Variants in TUBA1C observed in about 807,000 individuals in gnomAD.
TUBA1C encodes the protein tubulin alpha-1C chain.
Under a neutral mutation model 34.9 loss-of-function variants are expected in TUBA1C, and 16 were observed. The ratio of observed to expected loss-of-function variants is 0.46; its 90% CI spans 0.31 to 0.70. TUBA1C has a LOEUF of 0.70. TUBA1C is among the 30% of genes least tolerant of loss of function. The probability of loss-of-function intolerance (pLI) is 0.05; values close to 1 mark genes in which losing one functional copy is unlikely to be tolerated. For missense variants in TUBA1C, 329 were observed against 587.3 expected, an observed-to-expected ratio of 0.56 and a Z score of 4.55; for synonymous variants, 177 against 215.9, an observed-to-expected ratio of 0.82 and a Z score of 1.58.
chr12:49,263,086 C>A (rs1041274397), upstream of TUBA1C, among the ~76,000 whole-genome samples: 16 of 146,108 alleles, frequency 1.1e-4, no homozygotes, highest in African/African-American at 1.5e-4. Context: ...TACAGTGGCA[C>A]GATCTCTGCT....
intron 1 of TUBA1C, among the ~76,000 whole-genome samples, chr12:49,244,406 T>C (rs971838888): frequency 6.6e-6 from 1 of 152,160 alleles, no homozygotes; most frequent in African/African-American, 2.4e-5. Flanking sequence ...AAGCTTGTGA[T>C]TAAGAAGAAT....
At chr12:49,242,653 G>T (rs540585562) in intron 1 of TUBA1C, among the ~76,000 whole-genome samples, 61 of 150,850 alleles carry the variant, frequency 4.0e-4, no homozygotes, top group South Asian at 1.0e-3. Flanking sequence ...TAATTTTTTT[G>T]TTGTTGTTGT....
rs1942887300 is a variant in TUBA1C, at chr12:49,265,116, A to G, written c.-66A>G. The G allele has an allele frequency of 3.2e-6, 5 of 1,579,756 alleles. No homozygotes were observed. The South Asian group carries it at 4.6e-5, about 15-fold the overall frequency. On this transcript the variant is annotated 5_prime_UTR_variant, in exon 1 of 4. Coordinates refer to ENST00000301072, the MANE Select transcript of TUBA1C (RefSeq NM_032704.5). ...CCCCCGGACTCCTTGGTAGTCTGTTAGTGGGAGATCCTTGTTGCCGTCCCT... is the reference window on the plus strand; with the variant it reads ...CCCCCGGACTCCTTGGTAGTCTGTTGGTGGGAGATCCTTGTTGCCGTCCCT...
upstream of TUBA1C, chr12:49,264,544 CCGGCGT>C (rs1434654450): frequency 6.6e-6 from 1 of 152,198 alleles, no homozygotes; most frequent in East Asian, 2.0e-4. Flanking sequence ...CAGCCTGGTC[CCGGCGT>C]CGGCGCCTCC....
intron 1 of TUBA1C, among the ~76,000 whole-genome samples, chr12:49,230,930 T>TA (rs1942489644): frequency 6.6e-6 from 1 of 152,156 alleles, no homozygotes; most frequent in Non-Finnish European, 1.5e-5. Context: ...TAGTAATACT[T>TA]AAGTCTGTGG....
intron 1 of TUBA1C, among the ~76,000 whole-genome samples, chr12:49,242,727 A>G (rs533649741): frequency 2.6e-5 from 4 of 152,036 alleles, no homozygotes; most frequent in African/African-American, 9.6e-5. Flanking sequence ...GTCTCAAGCA[A>G]TCCTCCTGCC....
upstream of TUBA1C, chr12:49,264,910 C>A (rs896348326): frequency 1.2e-5 from 3 of 247,562 alleles, no homozygotes; most frequent in Non-Finnish European, 1.5e-5. Context: ...TTGGTTTGAA[C>A]TTTTGAATCC....
At chr12:49,254,077 C>A (rs868251437) in intron 1 of TUBA1C, among the ~76,000 whole-genome samples, 1 of 151,634 alleles carries the variant, frequency 6.6e-6, no homozygotes, top group East Asian at 1.9e-4. Flanking sequence ...TTTGGGAGGC[C>A]GAGGCAGGCG....
At chr12:49,255,408 ATAT>A (rs1942773592) in intron 1 of TUBA1C, among the ~76,000 whole-genome samples, 1 of 143,840 alleles carries the variant, frequency 7.0e-6, no homozygotes, top group Admixed American at 7.1e-5. Context: ...TTTAAAAAAT[ATAT>A]ATATATATAT....
intron 3 of TUBA1C, among the ~76,000 whole-genome samples, chr12:49,270,584 GCTCCATT>G (rs1942977434): frequency 6.6e-6 from 1 of 152,298 alleles, no homozygotes; most frequent in Non-Finnish European, 1.5e-5. Context: ...AGCCATGACT[GCTCCATT>G]CTAAAATAGA....
chr12:49,231,984 G>A (rs1377667643), intron 1 of TUBA1C, among the ~76,000 whole-genome samples: 1 of 152,150 alleles, frequency 6.6e-6, no homozygotes. Context: ...ATCCCTAAAC[G>A]CTAATGCTGG....
intron 1 of TUBA1C, among the ~76,000 whole-genome samples, chr12:49,256,798 A>G (rs752304489): frequency 6.6e-6 from 1 of 152,126 alleles, no homozygotes; most frequent in South Asian, 2.1e-4. Context: ...GTTTGGGGAC[A>G]TTGCAGATTT....
chr12:49,240,289 A>C (rs534074426), intron 1 of TUBA1C, among the ~76,000 whole-genome samples: 2 of 146,064 alleles, frequency 1.4e-5, no homozygotes, highest in African/African-American at 5.1e-5. Flanking sequence ...ATATGTGACC[A>C]TTCTCTGAAA....
intron 1 of TUBA1C, among the ~76,000 whole-genome samples, chr12:49,267,930 ACC>A (rs927814532): frequency 2.0e-5 from 3 of 151,902 alleles, no homozygotes; most frequent in Non-Finnish European, 4.4e-5. Flanking sequence ...AATGCCAAAC[ACC>A]CTTTTTGTTT....
At chr12:49,229,604 C>A (rs1159137776) in intron 1 of TUBA1C, among the ~76,000 whole-genome samples, 1 of 152,116 alleles carries the variant, frequency 6.6e-6, no homozygotes, top group East Asian at 1.9e-4. Context: ...CAAACCCAGT[C>A]CTCTCCCCAA....
At chr12:49,231,140 T>C (rs1942492463) in intron 1 of TUBA1C, among the ~76,000 whole-genome samples, 2 of 152,204 alleles carry the variant, frequency 1.3e-5, no homozygotes. Context: ...CAGCTGTTTG[T>C]TGTTCCATTA....
At chr12:49,266,819 A>G (rs1184320899) in intron 1 of TUBA1C, among the ~76,000 whole-genome samples, 1 of 152,250 alleles carries the variant, frequency 6.6e-6, no homozygotes, top group African/African-American at 2.4e-5. Flanking sequence ...ACTGCACTCC[A>G]GCGAGACCTT....
intron 1 of TUBA1C, among the ~76,000 whole-genome samples, chr12:49,249,525 A>T (rs566068806): frequency 6.6e-6 from 1 of 152,308 alleles, no homozygotes; most frequent in African/African-American, 2.4e-5. Context: ...AACAGAAAAC[A>T]GCAATATAGA....
rs373112347 is a variant in TUBA1C at position 49,265,119 on chromosome 12, G to A, written c.-63G>A. On this transcript the variant is annotated 5_prime_UTR_variant, in exon 1 of 4. Transcript: ENST00000301072. ...CCGGACTCCTTGGTAGTCTGTTAGT[G>A]GGAGATCCTTGTTGCCGTCCCTTCG... 26 of 1,582,908 alleles carry A rather than the reference G, an allele frequency of 1.6e-5. No individual in the cohort carries two copies. Among genetic ancestry groups the A allele is most frequent in the African/African-American group, 2.7e-5 (2 of 74,408 alleles).
Sources: allele counts gnomAD v4.1 joint callset (sites outside exome capture counted in the v4.1 genomes callset), GRCh38; gene constraint gnomAD v4.1.1; transcripts MANE v1.5; gene names NCBI Gene and HGNC (gene_info 2026-07-23, HGNC 2026-07-21).